Variants in UBR3 observed in about 807,000 individuals in gnomAD.
UBR3 encodes the protein ubiquitin protein ligase E3 component n-recognin 3, also known as E3 ubiquitin-protein ligase UBR3.
UBR3 carries 85 observed loss-of-function variants against 243.2 expected under a neutral mutation model. That is an observed-to-expected ratio of 0.35 (90% confidence interval 0.29 to 0.42). The LOEUF is 0.42. Among genes scored for constraint, UBR3 ranks in the 10% least tolerant of loss-of-function variants. The pLI, the probability that UBR3 is intolerant of heterozygous loss-of-function variation, is 1.00. For missense variants in UBR3, 1,686 were observed against 2,300.8 expected (o/e 0.73, Z 5.47); for synonymous variants, 748 against 799.8 (o/e 0.94, Z 1.09).
chr2:170,065,596 C>G (rs936913339), intron 35 of UBR3, among the ~76,000 whole-genome samples: 4 of 152,030 alleles, frequency 2.6e-5, no homozygotes, highest in Non-Finnish European at 5.9e-5. Context: ...TTTTAATCGT[C>G]CAAGTAAGTC....
chr2:170,047,271 A>C (rs1416798866), intron 32 of UBR3, among the ~76,000 whole-genome samples: 1 of 152,140 alleles, frequency 6.6e-6, no homozygotes. Flanking sequence ...TGGCCTCCCA[A>C]GGTGCTGGAA....
At chr2:169,888,295 C>A (rs140282125) in intron 5 of UBR3, among the ~76,000 whole-genome samples, 1 of 151,422 alleles carries the variant, frequency 6.6e-6, no homozygotes, top group Admixed American at 6.6e-5. Flanking sequence ...CCTGCCACTA[C>A]GCCCAGCTAA....
Position 169,827,849 on chromosome 2 carries a change from C to G in UBR3, c.342C>G (p.Tyr114Ter). The part of the protein sequence containing the change: ...YDEFCAAVRA[Y>*]DPAALCGLVW... ...AGTTCTGCGCGGCGGTGCGGGCCTA[C>G]GATCCCGCGGCGCTCTGCGGCCTGG... is the stretch of plus-strand genomic sequence containing the variant. Residue 114 changes from tyrosine to a stop codon, truncating the protein, a stop_gained, in exon 1 of 39, where the codon TAC becomes TAG. Coordinates refer to ENST00000272793, the MANE Select transcript of UBR3 (RefSeq NM_172070.4). LOFTEE classifies it high-confidence loss of function. The G allele has an allele frequency of 1.3e-6, 2 of 1,505,574 alleles. No homozygotes were observed. The highest frequency in any genetic ancestry group is 1.8e-6 in the Non-Finnish European group (2 of 1,131,314). The allele number at this position is 1,505,574 out of a possible 1,614,324, so 93.3% of individuals were successfully genotyped here. A position where few individuals can be genotyped will look rare whatever the true frequency, so the allele number is the denominator to read the frequency against.
chr2:170,006,941 T>C, intron 27 of UBR3, 49 bp from the exon 28 acceptor site: 1 of 1,539,436 alleles, frequency 6.5e-7, no homozygotes, highest in Non-Finnish European at 8.9e-7. Context: ...AATTTTTGTT[T>C]TCTATGAATG....
In UBR3 at chr2:170,001,324, A is replaced by G. The variant is rs556243350; in HGVS notation, c.3939A>G (p.Val1313=). The G allele has an allele frequency of 2.5e-6, 4 of 1,612,994 alleles. No homozygotes were observed. In the South Asian group the frequency reaches 3.3e-5, roughly 13 times the overall value. Residue 1313 remains valine, a synonymous_variant, in exon 27 of 39, where the codon GTA becomes GTG. Transcript: ENST00000272793. ...TGAAGAGTTCATGTCTCTTGGCAGT[A>G]TCAATTGGCTGGGAAGGAGGTGTTT... The part of the protein sequence containing the change: ...YFKDSSCLLA[V]SIGWEGGVYV...
rs578054467 is a variant in UBR3 at position 169,866,150 on chromosome 2, C to CAAAAAA, written c.546-6061_546-6056dup. Among the ~76,000 whole-genome samples, 269 of 53,374 alleles carry CAAAAAA rather than the reference C, an allele frequency of 5.0e-3. 25 individuals are homozygous for CAAAAAA. The highest frequency in any genetic ancestry group is 8.2e-3 in the African/African-American group (78 of 9,460). The allele number at this position is 53,374 out of a possible 152,430, so 35.0% of individuals were successfully genotyped here. Reference sequence around the variant, plus strand: ...TGGGCAACAGAGCGAGACTGTGTCTCAAAAAAAAAAAAAAAAAAAAAAAAA... The same window carrying CAAAAAA: ...TGGGCAACAGAGCGAGACTGTGTCTCAAAAAAAAAAAAAAAAAAAAAAAAAAAAAAA... On this transcript the variant is annotated intron_variant, in intron 1 of 38. Coordinates refer to ENST00000272793, the MANE Select transcript of UBR3 (RefSeq NM_172070.4).
chr2:170,019,044 T>C (rs944327862), intron 30 of UBR3, among the ~76,000 whole-genome samples: 1 of 152,208 alleles, frequency 6.6e-6, no homozygotes, highest in African/African-American at 2.4e-5. Context: ...TAGGTAAACG[T>C]CTCTTCCTGT....
At chr2:170,018,401 T>TATAG (rs1458493352) in intron 30 of UBR3, among the ~76,000 whole-genome samples, 1 of 152,160 alleles carries the variant, frequency 6.6e-6, no homozygotes, top group Non-Finnish European at 1.5e-5. Flanking sequence ...AGTTCTCACA[T>TATAG]ATAGCATAGC....
chr2:169,925,745 C>A lies in UBR3; in HGVS notation c.2149C>A (p.Gln717Lys). The change falls in exon 14 of 39, where the codon CAG becomes AAG. Residue 717 changes from glutamine (Q) to lysine (K), a missense_variant and splice_region_variant. Around this residue, in one of 8 missense-constraint regions of UBR3, gnomAD observed 346 missense variants for 585.8 expected, o/e 0.59. Coordinates refer to ENST00000272793, the MANE Select transcript of UBR3 (RefSeq NM_172070.4). ...GATTGATCCTGACATTTACCTGTTA[C>A]AGGTAAGCCAGCTAGATAATGCAGA... ...SMIDPDIYLL[Q>K]VCASRLDPDY... is the part of the protein sequence containing the mutation. 2 of 1,543,528 alleles carry A rather than the reference C, an allele frequency of 1.3e-6. No individual in the cohort carries two copies. The highest frequency in any genetic ancestry group is 1.7e-6 in the Non-Finnish European group (2 of 1,144,024).
intron 2 of UBR3, 75 bp from the exon 3 acceptor site, chr2:169,875,716 T>C (rs1465088522): frequency 2.0e-5 from 25 of 1,273,196 alleles, no homozygotes; most frequent in Non-Finnish European, 2.3e-5. Flanking sequence ...TTTAAAAGAA[T>C]AAATACTGTT....
At chr2:169,905,886 A>T (rs2084992875) in intron 9 of UBR3, 145 bp from the exon 10 acceptor site, 2 of 830,438 alleles carry the variant, frequency 2.4e-6, no homozygotes, top group Non-Finnish European at 3.3e-6. Flanking sequence ...TTTCATTTTT[A>T]GTAATTTACT....
At chr2:170,040,745 C>G in intron 31 of UBR3, 137 bp from the exon 32 acceptor site, 1 of 719,542 alleles carries the variant, frequency 1.4e-6, no homozygotes, top group Middle Eastern at 3.5e-4. Context: ...AATATGACTC[C>G]TAAGGTTTTT....
intron 28 of UBR3, among the ~76,000 whole-genome samples, chr2:170,008,040 A>G (rs1192951919): frequency 6.6e-6 from 1 of 152,174 alleles, no homozygotes; most frequent in African/African-American, 2.4e-5. Flanking sequence ...TACTGTGTGT[A>G]TGTGTATTCG....
chr2:169,877,448 T>A (rs542785926), intron 3 of UBR3, 46 bp from the exon 4 acceptor site: 1 of 1,487,374 alleles, frequency 6.7e-7, no homozygotes, highest in African/African-American at 1.4e-5. Context: ...CATACTGAGA[T>A]TTTGAATGGA....
chr2:169,865,926 C>CA (rs1198291983), intron 1 of UBR3, among the ~76,000 whole-genome samples: 2 of 151,998 alleles, frequency 1.3e-5, no homozygotes, highest in Non-Finnish European at 1.5e-5. Context: ...GAGGCTGGTG[C>CA]ATCACCTGAG....
chr2:169,911,576 A>G (rs1356316076), intron 10 of UBR3, among the ~76,000 whole-genome samples: 1 of 152,128 alleles, frequency 6.6e-6, no homozygotes, highest in Non-Finnish European at 1.5e-5. Flanking sequence ...AAAATAGGAG[A>G]GAGACAATCA....
At chr2:169,885,065 G>A (rs2084036490) in intron 5 of UBR3, among the ~76,000 whole-genome samples, 1 of 152,132 alleles carries the variant, frequency 6.6e-6, no homozygotes, top group African/African-American at 2.4e-5. Context: ...AGGCACAAAT[G>A]ACATATTTGC....
intron 8 of UBR3, among the ~76,000 whole-genome samples, chr2:169,903,480 T>A (rs1431737512): frequency 6.6e-6 from 1 of 152,220 alleles, no homozygotes; most frequent in East Asian, 1.9e-4. Flanking sequence ...AAGCCCCTAG[T>A]CCTTACTTCC....
intron 32 of UBR3, among the ~76,000 whole-genome samples, chr2:170,045,055 TAAAG>T (rs1249693847): frequency 6.6e-6 from 1 of 152,148 alleles, no homozygotes; most frequent in African/African-American, 2.4e-5. Flanking sequence ...ATGCTGATAA[TAAAG>T]ACACATCTGA....
Sources: gnomAD v4.1 joint callset for allele counts (sites outside exome capture counted in the v4.1 genomes callset) on GRCh38, gnomAD v4.1.1 for gene constraint, gnomAD v4.1.1 regional missense constraint, MANE v1.5 for transcripts, NCBI Gene and HGNC (gene_info 2026-07-23, HGNC 2026-07-21) for gene names.